Variants in DYNC1I1 observed in about 807,000 individuals in gnomAD.
The protein encoded by DYNC1I1 is cytoplasmic dynein 1 intermediate chain 1.
DYNC1I1 carries 43 observed loss-of-function variants against 86.6 expected under a neutral mutation model. The observed-to-expected ratio is 0.50, with a 90% confidence interval of 0.39 to 0.64. The LOEUF (loss-of-function observed/expected upper bound fraction) is 0.64. Ranked by LOEUF, DYNC1I1 falls within the 30% of genes least tolerant of loss-of-function variation. The pLI, the probability that DYNC1I1 is intolerant of heterozygous loss-of-function variation, is 0.00. For synonymous variants in DYNC1I1, 262 were observed against 283.7 expected (o/e 0.92, Z 0.77); for missense variants, 604 against 788.8 (o/e 0.77, Z 2.81).
At chr7:95,847,185 T>C (rs918373404) in intron 5 of DYNC1I1, among the ~76,000 whole-genome samples, 2 of 152,222 alleles carry the variant, frequency 1.3e-5, no homozygotes, top group Non-Finnish European at 2.9e-5. Context: ...TCAAGTAAAC[T>C]AAGATCTGTC....
intron 5 of DYNC1I1, among the ~76,000 whole-genome samples, chr7:95,833,863 A>G (rs996521421): frequency 3.3e-5 from 5 of 149,654 alleles, no homozygotes; most frequent in South Asian, 2.2e-4. Context: ...GCTTAAGGAG[A>G]TTTTGGGCTG....
At chr7:95,948,869 A>G (rs1792475293) in intron 6 of DYNC1I1, among the ~76,000 whole-genome samples, 1 of 152,228 alleles carries the variant, frequency 6.6e-6, no homozygotes, top group African/African-American at 2.4e-5. Flanking sequence ...CAACCAATTC[A>G]GCAATTCTTT....
chr7:95,917,177 T>C (rs1055674183), intron 6 of DYNC1I1, among the ~76,000 whole-genome samples: 2 of 152,142 alleles, frequency 1.3e-5, no homozygotes, highest in African/African-American at 4.8e-5. Flanking sequence ...CCTGGTGCAA[T>C]GACGAGAAAA....
At chr7:95,837,252 TG>T (rs1303496291) in intron 5 of DYNC1I1, among the ~76,000 whole-genome samples, 2 of 150,786 alleles carry the variant, frequency 1.3e-5, no homozygotes, top group Non-Finnish European at 3.0e-5. Context: ...GTGCCCCTGC[TG>T]GGGGGTGCCT....
intron 11 of DYNC1I1, 109 bp from the exon 12 acceptor site, chr7:96,032,558 A>G (rs542378795): frequency 4.9e-6 from 4 of 814,540 alleles, no homozygotes; most frequent in East Asian, 5.2e-5. Context: ...GTATTATAGT[A>G]GGATTATGTT....
In DYNC1I1 at chr7:95,950,980, T is replaced by C. The variant is rs571697777; in HGVS notation, c.491-26532T>C. Among the ~76,000 whole-genome samples the C allele has an allele frequency of 3.3e-5, 5 of 152,248 alleles. No individual in the cohort carries two copies. The South Asian group carries it at 6.2e-4, about 19-fold the overall frequency. On this transcript the variant is annotated intron_variant, in intron 6 of 16. Coordinates refer to ENST00000447467, the MANE Select transcript of DYNC1I1 (RefSeq NM_001135556.2). ...TCCCTGAGACTAGTCTCATAACACT[T>C]CAAAATGAAATTGTCTGAGCCAAGA...
chr7:96,063,127 GTGTGTA>G (rs201263239), intron 14 of DYNC1I1, among the ~76,000 whole-genome samples: 2,513 of 135,578 alleles, frequency 0.019, 63 homozygotes, highest in African/African-American at 0.066. Flanking sequence ...GTGTGTGTGT[GTGTGTA>G]TGTGTGTGTT....
At chr7:95,897,204 T>TAAGCAGG (rs913256430) in intron 6 of DYNC1I1, among the ~76,000 whole-genome samples, 1 of 152,196 alleles carries the variant, frequency 6.6e-6, no homozygotes, top group Non-Finnish European at 1.5e-5. Flanking sequence ...CCCAGGTTCC[T>TAAGCAGG]AAGCAGGAAG....
chr7:95,780,988 A>G (rs1290400522), intron 1 of DYNC1I1, among the ~76,000 whole-genome samples: 1 of 151,830 alleles, frequency 6.6e-6, no homozygotes, highest in Non-Finnish European at 1.5e-5. Flanking sequence ...ATTTTGTGGA[A>G]GAAAGAATAA....
At chr7:96,033,925 G>A (rs936112846) in intron 12 of DYNC1I1, among the ~76,000 whole-genome samples, 14 of 152,046 alleles carry the variant, frequency 9.2e-5, no homozygotes, top group Admixed American at 8.5e-4. Flanking sequence ...CAGGAGGATT[G>A]CTTAAGCCCA....
chr7:96,022,078 G>A (rs1794565591), intron 10 of DYNC1I1, among the ~76,000 whole-genome samples: 1 of 152,130 alleles, frequency 6.6e-6, no homozygotes, highest in African/African-American at 2.4e-5. Context: ...TTGGGGAACT[G>A]CCAGACTGTT....
At chr7:96,025,228 A>G (rs1794648491) in intron 10 of DYNC1I1, among the ~76,000 whole-genome samples, 1 of 152,202 alleles carries the variant, frequency 6.6e-6, no homozygotes, top group Non-Finnish European at 1.5e-5. Flanking sequence ...GCATTTTTAC[A>G]TGAATGATAG....
intron 14 of DYNC1I1, among the ~76,000 whole-genome samples, chr7:96,059,925 C>T (rs1789712316): frequency 6.6e-6 from 1 of 152,166 alleles, no homozygotes; most frequent in African/African-American, 2.4e-5. Context: ...TTTTGGCCTA[C>T]TAAGTGGCTT....
intron 6 of DYNC1I1, among the ~76,000 whole-genome samples, chr7:95,976,582 G>T (rs1793307903): frequency 6.6e-6 from 1 of 152,198 alleles, no homozygotes; most frequent in South Asian, 2.1e-4. Flanking sequence ...AACATATGGG[G>T]TGGAGGAAGA....
intron 6 of DYNC1I1, among the ~76,000 whole-genome samples, chr7:95,950,162 A>ATGAG (rs1792514568): frequency 1.3e-5 from 2 of 152,148 alleles, no homozygotes; most frequent in Non-Finnish European, 2.9e-5. Context: ...AATGTGAAAA[A>ATGAG]CGAGCCTTGC....
At chr7:95,951,836 C>T (rs984038003) in intron 6 of DYNC1I1, among the ~76,000 whole-genome samples, 12 of 152,188 alleles carry the variant, frequency 7.9e-5, no homozygotes, top group African/African-American at 2.4e-4. Context: ...CTTCATCAGA[C>T]TCTCAGCCAA....
At chr7:95,846,162 CATTT>C (rs1789419944) in intron 5 of DYNC1I1, among the ~76,000 whole-genome samples, 1 of 152,022 alleles carries the variant, frequency 6.6e-6, no homozygotes, top group African/African-American at 2.4e-5. Flanking sequence ...TAATCATTGT[CATTT>C]ATATATATTA....
At chr7:95,901,371 G>A (rs1221060196) in intron 6 of DYNC1I1, among the ~76,000 whole-genome samples, 1 of 152,220 alleles carries the variant, frequency 6.6e-6, no homozygotes, top group Non-Finnish European at 1.5e-5. Context: ...TGCATGTGTA[G>A]TAGAATGTAT....
At chr7:95,892,575 T>C (rs1790772415) in intron 6 of DYNC1I1, among the ~76,000 whole-genome samples, 1 of 152,176 alleles carries the variant, frequency 6.6e-6, no homozygotes, top group Non-Finnish European at 1.5e-5. Context: ...CCTCCCAAAG[T>C]GCTGGGATTA....
Sources: gnomAD v4.1 joint callset for allele counts (sites outside exome capture counted in the v4.1 genomes callset) on GRCh38, gnomAD v4.1.1 for gene constraint, MANE v1.5 for transcripts, NCBI Gene and HGNC (gene_info 2026-07-23, HGNC 2026-07-21) for gene names.